ARHGAP22: variants seen among roughly 807,000 people sequenced by gnomAD.
ARHGAP22 encodes the protein Rho GTPase activating protein 22.
Under a neutral mutation model 59.1 loss-of-function variants are expected in ARHGAP22, and 48 were observed. The ratio of observed to expected loss-of-function variants is 0.81; its 90% CI spans 0.64 to 1.03. The LOEUF is 1.03. Among genes scored for constraint, ARHGAP22 ranks in the 50% least tolerant of loss-of-function variants. The pLI, the probability that ARHGAP22 is intolerant of heterozygous loss-of-function variation, is 0.00. For missense variants in ARHGAP22, 1,015 were observed against 958.7 expected (o/e 1.06, Z -0.78); for synonymous variants, 445 against 416.4 (o/e 1.07, Z -0.84).
intron 4 of ARHGAP22, among the ~76,000 whole-genome samples, chr10:48,472,816 TA>T (rs200554992): frequency 0.18 from 26,088 of 144,200 alleles, 2,509 homozygotes; most frequent in African/African-American, 0.27. Flanking sequence ...GGATGGCTAT[TA>T]AAAAAAAAAC....
At chr10:48,622,610 T>C (rs1263557775) in intron 1 of ARHGAP22, among the ~76,000 whole-genome samples, 1 of 152,198 alleles carries the variant, frequency 6.6e-6, no homozygotes, top group Non-Finnish European at 1.5e-5. Flanking sequence ...GTTTTGGAAT[T>C]AGACAGCCCT....
chr10:48,430,928 T>C, the ARHGAP22 span: 11 of 462,000 alleles, frequency 2.4e-5, no homozygotes, highest in African/African-American at 2.2e-4. Context: ...AGAAAGCTTC[T>C]ACCCCAGCAC....
rs187791130 is a variant in ARHGAP22, at chr10:48,458,238, G to A, written c.659+1446C>T. Among the ~76,000 whole-genome samples the A allele has an allele frequency of 1.3e-3, 201 of 152,266 alleles. 1 individual carries two copies. The highest frequency in any genetic ancestry group is 4.8e-3 in the African/African-American group (198 of 41,550). On this transcript the variant is annotated intron_variant, in intron 5 of 9. Transcript: ENST00000249601. ...CAGAAGCAGGGTAGAAGCAGCCAGA[G>A]AGGGAGAAGGCAGACAGGGGAGGGC...
intron 3 of ARHGAP22, among the ~76,000 whole-genome samples, chr10:48,484,171 G>A (rs1589674987): frequency 6.6e-6 from 1 of 152,368 alleles, no homozygotes; most frequent in East Asian, 1.9e-4. Context: ...TGGCACCTGT[G>A]TGGAAAATTG....
At position 48,583,096 on chromosome 10, in the gene ARHGAP22, A is replaced by G; in HGVS notation, c.91T>C (p.Cys31Arg). 6.2e-7 allele frequency: 1 copy of G among 1,614,270 alleles called. No individual in the cohort carries two copies. The change falls in exon 2 of 10, where the codon TGC (cysteine) becomes CGC (arginine). Residue 31 changes from cysteine to arginine, a missense_variant. Cys to Arg is a radical substitution (Grantham distance 180). Coordinates refer to ENST00000249601, the MANE Select transcript of ARHGAP22 (RefSeq NM_021226.4). Reference sequence around the variant, plus strand: ...AGCACGGGGCCCAGCCTGTGAGGGCACGGCATCCGCCCAGGGCTCCGGCTC... The same window carrying G: ...AGCACGGGGCCCAGCCTGTGAGGGCGCGGCATCCGCCCAGGGCTCCGGCTC... ...EQSRSPGRMP[C>R]PHRLGPVLKA... is the part of the protein sequence containing the mutation.
chr10:48,612,431 G>C (rs10776629), intron 1 of ARHGAP22, among the ~76,000 whole-genome samples: 69,099 of 151,998 alleles, frequency 0.45, 16,058 homozygotes, highest in Admixed American at 0.53. Context: ...GACCCTGCCT[G>C]GGTTTTGAAT....
At chr10:48,631,512 C>T (rs2061627823) in intron 1 of ARHGAP22, among the ~76,000 whole-genome samples, 1 of 152,094 alleles carries the variant, frequency 6.6e-6, no homozygotes, top group South Asian at 2.1e-4. Context: ...TATATTTCTC[C>T]TTGGGATATC....
chr10:48,515,373 T>G (rs1215904133), intron 3 of ARHGAP22, among the ~76,000 whole-genome samples: 1 of 152,178 alleles, frequency 6.6e-6, no homozygotes, highest in African/African-American at 2.4e-5. Flanking sequence ...AAAAGGGTAG[T>G]TGCAGGAGGA....
At chr10:48,617,625 A>T (rs1313740019) in intron 1 of ARHGAP22, among the ~76,000 whole-genome samples, 1 of 151,948 alleles carries the variant, frequency 6.6e-6, no homozygotes, top group Non-Finnish European at 1.5e-5. Context: ...AAAGACATTT[A>T]AAAAACTTTC....
chr10:48,565,881 G>A (rs553007726), intron 2 of ARHGAP22, among the ~76,000 whole-genome samples: 1 of 152,264 alleles, frequency 6.6e-6, no homozygotes, highest in East Asian at 1.9e-4. Context: ...CATTGCTTGT[G>A]CCATGAAATG....
intron 1 of ARHGAP22, among the ~76,000 whole-genome samples, chr10:48,584,282 C>T (rs1028915463): frequency 2.0e-5 from 3 of 152,214 alleles, no homozygotes; most frequent in Non-Finnish European, 4.4e-5. Context: ...GACTGCAGTT[C>T]TCTAAGCCTG....
At position 48,604,884 on chromosome 10, in the gene ARHGAP22, A is replaced by C; in HGVS notation, c.-88T>G. ...TCGTCCTCGCGCCTAGTCGCCCCTC[A>C]TGTCCTGCTCGTTCGGGGCCCCGTG... On this transcript the variant is annotated 5_prime_UTR_variant, in exon 1 of 10. The change abolishes an upstream ATG in the 5' untranslated region. Coordinates refer to ENST00000249601, the MANE Select transcript of ARHGAP22 (RefSeq NM_021226.4). 4 of 1,604,596 alleles carry C rather than the reference A, an allele frequency of 2.5e-6. No individual in the cohort carries two copies. Among genetic ancestry groups the C allele is most frequent in the Non-Finnish European group, 3.4e-6 (4 of 1,177,078 alleles).
chr10:48,513,260 A>G (rs1022059462), intron 3 of ARHGAP22, among the ~76,000 whole-genome samples: 2 of 152,222 alleles, frequency 1.3e-5, no homozygotes, highest in African/African-American at 4.8e-5. Flanking sequence ...CTGGGGAAGG[A>G]GATATCCACT....
chr10:48,595,718 C>T (rs1026875506), intron 1 of ARHGAP22, among the ~76,000 whole-genome samples: 1 of 151,932 alleles, frequency 6.6e-6, no homozygotes, highest in Admixed American at 6.6e-5. Context: ...TGGGGTCTTG[C>T]TATGTTGCCC....
rs2045340389 is a variant in ARHGAP22 at position 48,446,262 on chromosome 10, G to T, written c.*129C>A. The T allele has an allele frequency of 2.1e-6, 2 of 951,420 alleles. No homozygotes were observed. Among genetic ancestry groups the T allele is most frequent in the Non-Finnish European group, 3.1e-6 (2 of 637,800 alleles). The allele number at this position is 951,420 out of a possible 1,614,324, so 58.9% of individuals were successfully genotyped here. A position where few individuals can be genotyped will look rare whatever the true frequency, so the allele number is the denominator to read the frequency against. On this transcript the variant is annotated 3_prime_UTR_variant, in exon 10 of 10. Coordinates refer to ENST00000249601, the MANE Select transcript of ARHGAP22 (RefSeq NM_021226.4). ...CAAAAGTCCCCACAGTCCCCACAGAGGTATCAGGATCTCTCTCTCTCCAGC... is the reference window on the plus strand; with the variant it reads ...CAAAAGTCCCCACAGTCCCCACAGATGTATCAGGATCTCTCTCTCTCCAGC...
the ARHGAP22 span, among the ~76,000 whole-genome samples, chr10:48,440,401 G>C: frequency 6.6e-6 from 1 of 152,164 alleles, no homozygotes; most frequent in Non-Finnish European, 1.5e-5. Flanking sequence ...GTAGGAAATA[G>C]AAAACGGATG....
chr10:48,632,929 T>C (rs1175133885), intron 1 of ARHGAP22, among the ~76,000 whole-genome samples: 1 of 152,226 alleles, frequency 6.6e-6, no homozygotes, highest in Non-Finnish European at 1.5e-5. Context: ...TTTTCATCAC[T>C]ACTGCACAAC....
intron 1 of ARHGAP22, among the ~76,000 whole-genome samples, chr10:48,645,948 A>C (rs554981651): frequency 3.3e-5 from 5 of 152,336 alleles, no homozygotes; most frequent in Non-Finnish European, 7.4e-5. Context: ...TGTTTGGAAA[A>C]TTATCACAAG....
chr10:48,447,861 G>A (rs1376464523), intron 9 of ARHGAP22, among the ~76,000 whole-genome samples: 1 of 152,012 alleles, frequency 6.6e-6, no homozygotes, highest in Non-Finnish European at 1.5e-5. Context: ...TCTTTTTCTC[G>A]GTCCCATATC....
Sources: allele counts gnomAD v4.1 joint callset (sites outside exome capture counted in the v4.1 genomes callset), GRCh38; gene constraint gnomAD v4.1.1; transcripts MANE v1.5; gene names NCBI Gene and HGNC (gene_info 2026-07-23, HGNC 2026-07-21).